Variants in ARSF observed in about 807,000 individuals in gnomAD.
The protein encoded by ARSF is arylsulfatase F.
Under a neutral mutation model 35.4 loss-of-function variants are expected in ARSF, and 33 were observed. That is an observed-to-expected ratio of 0.93 (90% CI 0.71 to 1.25). The LOEUF (loss-of-function observed/expected upper bound fraction) is 1.25, where lower values mean the gene tolerates loss of function less well. ARSF is among the 50% of genes most tolerant of loss of function. The pLI is 0.00. For synonymous variants in ARSF, 222 were observed against 193.1 expected (o/e 1.15, Z -1.24); for missense variants, 501 against 480.2 (o/e 1.04, Z -0.40).
intron 1 of ARSF, among the ~76,000 whole-genome samples, chrX:3,046,414 AG>A (rs1241891468): frequency 9.0e-6 from 1 of 111,576 alleles, no homozygotes; most frequent in African/African-American, 3.3e-5. Context: ...AATTCTGCCA[AG>A]GACTCTTTTA....
intron 5 of ARSF, among the ~76,000 whole-genome samples, chrX:3,083,344 A>G (rs1213821337): frequency 9.0e-6 from 1 of 111,137 alleles, no homozygotes; most frequent in Non-Finnish European, 1.9e-5. Flanking sequence ...TCCACCCACA[A>G]CACAGATCTA....
chrX:3,052,183 G>A (rs2089999640), intron 1 of ARSF, among the ~76,000 whole-genome samples: 1 of 111,815 alleles, frequency 8.9e-6, no homozygotes, highest in Non-Finnish European at 1.9e-5. Flanking sequence ...ATAACACCGA[G>A]CTTCTGCTAA....
At chrX:3,047,980 A>AG (rs2089982284) in intron 1 of ARSF, among the ~76,000 whole-genome samples, 1 of 110,794 alleles carries the variant, frequency 9.0e-6, no homozygotes, top group African/African-American at 3.3e-5. Context: ...GCAGGCAAAG[A>AG]AAGAGAGCCA....
At chrX:3,111,042 G>A (rs1012927261) in intron 10 of ARSF, among the ~76,000 whole-genome samples, 4 of 111,962 alleles carry the variant, frequency 3.6e-5, no homozygotes, top group Non-Finnish European at 7.5e-5. Context: ...TTGACGTGTG[G>A]GCAAAAAGAA....
chrX:3,070,620 T>G (rs2090096263), intron 2 of ARSF, among the ~76,000 whole-genome samples: 1 of 111,102 alleles, frequency 9.0e-6, no homozygotes, highest in Non-Finnish European at 1.9e-5. Flanking sequence ...CAGGTGATGT[T>G]TGATTACATG....
At chrX:3,058,643 A>T (rs2090028611) in intron 1 of ARSF, 1 of 323,832 alleles carries the variant, frequency 3.1e-6, no homozygotes, top group African/African-American at 2.7e-5. Context: ...CTTTGAGGCC[A>T]GGAGTTCAAA....
chrX:3,101,201 G>A lies in ARSF; in HGVS notation c.1082G>A (p.Gly361Glu). The A allele has an allele frequency of 8.3e-7, 1 of 1,211,321 alleles. No homozygotes were observed. Among genetic ancestry groups the A allele is most frequent in the Non-Finnish European group, 1.1e-6 (1 of 895,333 alleles). Residue 361 changes from glycine (G) to glutamate (E), a missense_variant, in exon 8 of 11, where the codon GGA becomes GAA. Gly to Glu is a moderately conservative substitution (Grantham distance 98). Coordinates refer to ENST00000381127, the MANE Select transcript of ARSF (RefSeq NM_001201539.2). ...AGGCGAGGGCATGCCCAACTTGGTG[G>A]ATGGAATGGAATATACAAAGGTGAG... ...EARRGHAQLGGWNGIYKGGKG... is the reference protein window; with the variant it reads ...EARRGHAQLGEWNGIYKGGKG...
At chrX:3,093,102 C>T (rs1319342813) in intron 7 of ARSF, among the ~76,000 whole-genome samples, 1 of 110,912 alleles carries the variant, frequency 9.0e-6, no homozygotes, top group Non-Finnish European at 1.9e-5. Flanking sequence ...GGAGGCAGAG[C>T]TTGCAGTGGC....
chrX:3,073,399 C>T (rs966694450), intron 3 of ARSF, among the ~76,000 whole-genome samples: 2 of 101,464 alleles, frequency 2.0e-5, no homozygotes, highest in Non-Finnish European at 3.9e-5. Context: ...GCGACTTCTC[C>T]AAGACTTCAG....
chrX:3,051,845 T>C (rs1356898964), intron 1 of ARSF, among the ~76,000 whole-genome samples: 1 of 110,193 alleles, frequency 9.1e-6, no homozygotes, highest in African/African-American at 3.3e-5. Flanking sequence ...ATAAAAAAAT[T>C]AGCTGGGTGT....
At chrX:3,075,869 C>T (rs1166882338) in intron 3 of ARSF, among the ~76,000 whole-genome samples, 1 of 84,567 alleles carries the variant, frequency 1.2e-5, no homozygotes, top group East Asian at 4.6e-4. Context: ...CTCTCTCTTC[C>T]TCTCTTCTTC....
At chrX:3,084,100 T>C in intron 5 of ARSF, 143 bp from the exon 6 acceptor site, 4 of 756,713 alleles carry the variant, frequency 5.3e-6, no homozygotes, top group Non-Finnish European at 5.6e-6. Context: ...CTCGGATTTT[T>C]TAGAGGAAGG....
Position 3,072,036 on chromosome X carries a change from G to A in ARSF, c.22G>A (p.Val8Ile). Residue 8 changes from valine (V) to isoleucine (I), a missense_variant, in exon 3 of 11, where the codon GTC (valine) becomes ATC (isoleucine). Transcript: ENST00000381127. Reference protein sequence around the residue: MRPRRPLVFMSLVCALLN... With the variant: MRPRRPLIFMSLVCALLN... ...CTGCTTGCTTTCCAGGAGACCCTTG[G>A]TCTTCATGTCTTTGGTGTGTGCACT... 2 of 1,211,253 alleles carry A rather than the reference G, an allele frequency of 1.7e-6. No individual in the cohort carries two copies. Among genetic ancestry groups the A allele is most frequent in the Non-Finnish European group, 2.2e-6 (2 of 895,324 alleles).
chrX:3,076,387 G>A (rs1273127748), intron 3 of ARSF, among the ~76,000 whole-genome samples, 161 bp from the exon 4 acceptor site: 2 of 105,428 alleles, frequency 1.9e-5, no homozygotes, highest in Non-Finnish European at 3.9e-5. Context: ...TCTCTGCCTC[G>A]CTTTCTGGGT....
At chrX:3,042,382 G>C (rs1354418037) in intron 1 of ARSF, among the ~76,000 whole-genome samples, 1 of 111,652 alleles carries the variant, frequency 9.0e-6, no homozygotes, top group Non-Finnish European at 1.9e-5. Context: ...TTAAATAATA[G>C]ATATTCACTA....
intron 1 of ARSF, among the ~76,000 whole-genome samples, chrX:3,055,833 C>T (rs897196023): frequency 9.0e-6 from 1 of 111,678 alleles, no homozygotes; most frequent in Non-Finnish European, 1.9e-5. Context: ...TCCTGCCTTT[C>T]CCTGTCTCTC....
chrX:3,070,987 T>C (rs1225369032), intron 2 of ARSF, among the ~76,000 whole-genome samples: 1 of 53,590 alleles, frequency 1.9e-5, no homozygotes, highest in African/African-American at 6.3e-5. Flanking sequence ...ATATGAAAAT[T>C]TGATATGGAT....
At position 3,084,215 on chromosome X, in the gene ARSF, G is replaced by A. The variant is rs200821731; in HGVS notation, c.407-28G>A. The stretch of plus-strand genomic sequence containing the variant: ...CTGGCATATGTTGACATATTGATGC[G>A]TAGATGTGTTTGTGTGTTTGGTTTT... On this transcript the variant is annotated intron_variant, in intron 5 of 10. Transcript: ENST00000381127. 7.7e-5 allele frequency: 93 copies of A among 1,200,911 alleles called. No individual in the cohort carries two copies. The South Asian group carries it at 1.1e-3, about 14-fold the overall frequency.
intron 1 of ARSF, among the ~76,000 whole-genome samples, chrX:3,063,451 T>C (rs1201551571): frequency 3.6e-5 from 4 of 111,391 alleles, no homozygotes; most frequent in African/African-American, 1.3e-4. Context: ...GAAGTTCTGG[T>C]CAGGGCAATC....
Sources: allele counts gnomAD v4.1 joint callset (sites outside exome capture counted in the v4.1 genomes callset), GRCh38; gene constraint gnomAD v4.1.1; transcripts MANE v1.5; gene names NCBI Gene and HGNC (gene_info 2026-07-23, HGNC 2026-07-21).